LYRM4: variants seen among roughly 807,000 people sequenced by gnomAD.
LYRM4 encodes the protein LYR motif containing 4.
LYRM4 carries 9 observed loss-of-function variants against 11.7 expected under a neutral mutation model. The observed-to-expected ratio is 0.77, with a 90% CI of 0.46 to 1.34. The LOEUF (loss-of-function observed/expected upper bound fraction) is 1.34. Ranked by LOEUF, LYRM4 falls within the 40% of genes most tolerant of loss-of-function variation. The pLI, the probability that LYRM4 is intolerant of heterozygous loss-of-function variation, is 0.00. For missense variants in LYRM4, 133 were observed against 112.5 expected, an observed-to-expected ratio of 1.18 and a Z score of -0.82; for synonymous variants, 42 against 40.4, an observed-to-expected ratio of 1.04 and a Z score of -0.15.
chr6:5,197,910 G>A (rs1371079809), intron 2 of LYRM4, among the ~76,000 whole-genome samples: 5 of 151,144 alleles, frequency 3.3e-5, no homozygotes, highest in Non-Finnish European at 7.4e-5. Context: ...GGTGGCTCAC[G>A]CCTGTAATCC....
chr6:5,171,624 T>G (rs1183659095), intron 2 of LYRM4, among the ~76,000 whole-genome samples: 3 of 152,232 alleles, frequency 2.0e-5, no homozygotes. Flanking sequence ...TAAGAATCGA[T>G]AAGCAGTTGT....
At chr6:5,245,116 ATATATATAT>A (rs1764118946) in intron 1 of LYRM4, among the ~76,000 whole-genome samples, 21 of 14,708 alleles carry the variant, frequency 1.4e-3, no homozygotes, top group Non-Finnish European at 2.3e-3. Flanking sequence ...AAAAAAAAAT[ATATATATAT>A]ATATATATAT....
At chr6:5,165,878 T>G (rs768373105) in intron 2 of LYRM4, among the ~76,000 whole-genome samples, 1 of 152,172 alleles carries the variant, frequency 6.6e-6, no homozygotes, top group Non-Finnish European at 1.5e-5. Flanking sequence ...GTTTCTTTTT[T>G]AGAAAATATG....
the LYRM4 span, among the ~76,000 whole-genome samples, chr6:5,049,058 C>T: frequency 1.3e-5 from 2 of 152,052 alleles, no homozygotes; most frequent in African/African-American, 4.8e-5. Context: ...GGAGGAGTCA[C>T]TGCAGAGGAA....
intron 1 of LYRM4, among the ~76,000 whole-genome samples, chr6:5,242,861 C>A (rs1339018651): frequency 6.7e-6 from 1 of 149,812 alleles, no homozygotes; most frequent in Non-Finnish European, 1.5e-5. Flanking sequence ...GCAAGCTCCG[C>A]TTCCCAGGTT....
chr6:5,083,662 G>C, the LYRM4 span, among the ~76,000 whole-genome samples: 3 of 152,330 alleles, frequency 2.0e-5, no homozygotes, highest in Admixed American at 1.3e-4. Context: ...TCATGGACAG[G>C]ACATCCTGTA....
At chr6:5,064,026 A>G in the LYRM4 span, among the ~76,000 whole-genome samples, 1 of 152,134 alleles carries the variant, frequency 6.6e-6, no homozygotes, top group African/African-American at 2.4e-5. Context: ...GAGTTCTTCC[A>G]CATCTGTTGG....
the LYRM4 span, among the ~76,000 whole-genome samples, chr6:5,060,921 A>G: frequency 6.6e-6 from 1 of 152,214 alleles, no homozygotes. Context: ...AGTGGTATTT[A>G]TTAAATAATT....
At chr6:5,214,252 G>C (rs1762138903) in intron 2 of LYRM4, among the ~76,000 whole-genome samples, 1 of 152,234 alleles carries the variant, frequency 6.6e-6, no homozygotes, top group African/African-American at 2.4e-5. Context: ...TGGTCCCAGG[G>C]GGGCCCCTAT....
At chr6:5,077,327 C>T in the LYRM4 span, among the ~76,000 whole-genome samples, 2 of 152,192 alleles carry the variant, frequency 1.3e-5, no homozygotes, top group Admixed American at 6.5e-5. Flanking sequence ...TTCTGCCTCA[C>T]GTAGAAAAAG....
chr6:5,122,587 T>C (rs1402700342), intron 2 of LYRM4, among the ~76,000 whole-genome samples: 1 of 152,188 alleles, frequency 6.6e-6, no homozygotes. Flanking sequence ...CTTGATGAGA[T>C]GCAATGAGTG....
chr6:5,185,779 T>C (rs1028797235), intron 2 of LYRM4, among the ~76,000 whole-genome samples: 4 of 152,124 alleles, frequency 2.6e-5, no homozygotes, highest in Admixed American at 1.3e-4. Flanking sequence ...TTCAGAGTCA[T>C]CCTTGCAGGA....
the LYRM4 span, among the ~76,000 whole-genome samples, chr6:5,071,832 C>T: frequency 0.28 from 42,509 of 151,694 alleles, 6,196 homozygotes; most frequent in Middle Eastern, 0.36. Flanking sequence ...TTAGTAGAGA[C>T]GGGGGTTTCA....
At chr6:5,251,781 G>GTGGA (rs1436860059) in intron 1 of LYRM4, among the ~76,000 whole-genome samples, 1 of 152,174 alleles carries the variant, frequency 6.6e-6, no homozygotes, top group Non-Finnish European at 1.5e-5. Context: ...GACACATAGG[G>GTGGA]TGGAAGAGGC....
chr6:5,189,941 T>C (rs1296653622), intron 2 of LYRM4, among the ~76,000 whole-genome samples: 1 of 152,226 alleles, frequency 6.6e-6, no homozygotes, highest in Middle Eastern at 3.2e-3. Flanking sequence ...GATACTGTTG[T>C]CTCCATTTAA....
chr6:5,244,958 T>C (rs1764072922), intron 1 of LYRM4, among the ~76,000 whole-genome samples: 1 of 150,994 alleles, frequency 6.6e-6, no homozygotes. Flanking sequence ...GCTCATCCCC[T>C]GCTAATTGTC....
intron 2 of LYRM4, among the ~76,000 whole-genome samples, chr6:5,181,733 T>TTATTCCTACTGC: frequency 6.6e-6 from 1 of 152,202 alleles, no homozygotes; most frequent in South Asian, 2.1e-4. Flanking sequence ...CACAACTCTC[T>TTATTCCTACTGC]TCTTCCTACT....
intron 2 of LYRM4, among the ~76,000 whole-genome samples, chr6:5,113,983 T>C (rs1763005984): frequency 6.6e-6 from 1 of 152,228 alleles, no homozygotes. Flanking sequence ...CATCTCTCCA[T>C]TTTCCTTATG....
At chr6:5,252,981 C>T (rs1475926868) in intron 1 of LYRM4, among the ~76,000 whole-genome samples, 2 of 152,164 alleles carry the variant, frequency 1.3e-5, no homozygotes, top group African/African-American at 4.8e-5. Flanking sequence ...CAAAAGCATT[C>T]CTAATTTTAA....
Sources: allele counts gnomAD v4.1 joint callset (sites outside exome capture counted in the v4.1 genomes callset), GRCh38; gene constraint gnomAD v4.1.1; transcripts MANE v1.5; gene names NCBI Gene and HGNC (gene_info 2026-07-23, HGNC 2026-07-21).